Variants in SH3BP4 observed in about 807,000 individuals in gnomAD.
SH3BP4 encodes the protein SH3 domain-binding protein 4.
SH3BP4 carries 33 observed loss-of-function variants against 65.5 expected under a neutral mutation model. That is an observed-to-expected ratio of 0.50 (90% CI 0.38 to 0.67). The LOEUF (loss-of-function observed/expected upper bound fraction) is 0.67. SH3BP4 is among the 30% of genes least tolerant of loss of function. The pLI, the probability that SH3BP4 is intolerant of heterozygous loss-of-function variation, is 0.00. For missense variants in SH3BP4, 1,134 were observed against 1,261.4 expected, an observed-to-expected ratio of 0.90 and a Z score of 1.53; for synonymous variants, 552 against 545.5, an observed-to-expected ratio of 1.01 and a Z score of -0.17.
rs1236335085 is a variant in SH3BP4, at chr2:235,034,151, G to A, written c.-132-720G>A. ...CCCCCCACATGCTTCAGTCCTGTCT[G>A]TGCGCCCTTCCAGAAAAAAAAAGCA... On this transcript the variant is annotated intron_variant, in intron 2 of 5. Transcript: ENST00000392011. The surrounding 1 kb of genome is among the most constrained non-coding windows in gnomAD (Gnocchi z 6.2). Among the ~76,000 whole-genome samples the A allele has an allele frequency of 6.6e-6, 1 of 152,012 alleles. No individual in the cohort carries two copies. The highest frequency in any genetic ancestry group is 6.6e-5 in the Admixed American group (1 of 15,266).
intron 1 of SH3BP4, among the ~76,000 whole-genome samples, chr2:234,970,099 ACACT>A (rs780876092): frequency 3.2e-4 from 49 of 151,296 alleles, no homozygotes; most frequent in Middle Eastern, 3.4e-3. Flanking sequence ...ACTCACAAAT[ACACT>A]CACTCACACA....
chr2:234,980,225 C>T (rs942592761), intron 1 of SH3BP4, among the ~76,000 whole-genome samples: 2 of 152,142 alleles, frequency 1.3e-5, no homozygotes, highest in African/African-American at 2.4e-5. Flanking sequence ...TCAGATAGTA[C>T]CAAACCCTGT....
In SH3BP4 at chr2:234,977,085, G is replaced by A. The variant is rs1693190615; in HGVS notation, c.-206-18218G>A. On this transcript the variant is annotated intron_variant, in intron 1 of 5. Transcript: ENST00000392011. This position sits in a 1 kb window ranked among gnomAD's most constrained non-coding sequence, Gnocchi z 5.1. ...TGGGAATTCTCTGTATTATCTCCAC[G>A]ACTTTTCTATGAATTTAAATCTATC... Among the ~76,000 whole-genome samples the A allele has an allele frequency of 6.6e-6, 1 of 152,218 alleles. No homozygotes were observed. Among genetic ancestry groups the A allele is most frequent in the Admixed American group, 6.5e-5 (1 of 15,284 alleles).
Position 234,976,057 on chromosome 2 carries a change from GA to G in SH3BP4, c.-206-19244del, listed in dbSNP as rs1025519670. Among the ~76,000 whole-genome samples, 3 of 152,262 alleles carry G rather than the reference GA, an allele frequency of 2.0e-5. No homozygotes were observed. The highest frequency in any genetic ancestry group is 7.2e-5 in the African/African-American group (3 of 41,552). On this transcript the variant is annotated intron_variant, in intron 1 of 5. Transcript: ENST00000392011. This position sits in a 1 kb window ranked among gnomAD's most constrained non-coding sequence, Gnocchi z 4.7. The stretch of plus-strand genomic sequence containing the variant: ...CTCTCCAAATTGAACGAGGACCCCA[GA>G]ACACGGGAGTCTGTGCCGAGTTTGG...
intron 1 of SH3BP4, among the ~76,000 whole-genome samples, chr2:234,990,024 G>A (rs2106268049): frequency 6.6e-6 from 1 of 152,360 alleles, no homozygotes; most frequent in Admixed American, 6.5e-5. Context: ...ACAAAATTAT[G>A]TAAAATGTTG....
At chr2:235,048,552 C>T (rs903785328) in intron 4 of SH3BP4, among the ~76,000 whole-genome samples, 4 of 151,556 alleles carry the variant, frequency 2.6e-5, no homozygotes, top group Non-Finnish European at 4.4e-5. Context: ...TTGCCCAGGC[C>T]GGTGTGGAAC....
chr2:235,038,395 ATAT>A lies in SH3BP4; in HGVS notation c.119-2492_119-2490del, dbSNP rs1695524366. Among the ~76,000 whole-genome samples, 2 of 22,754 alleles carry A rather than the reference ATAT, an allele frequency of 8.8e-5. 1 individual carries two copies. Among genetic ancestry groups the A allele is most frequent in the Admixed American group, 1.8e-3 (2 of 1,106 alleles). 14.9% of individuals were successfully genotyped at this position (22,754 alleles called of 152,430 possible). On this transcript the variant is annotated intron_variant, in intron 3 of 5. Coordinates refer to ENST00000392011, the MANE Select transcript of SH3BP4 (RefSeq NM_014521.3). ...TATATACATATATATATATATATATATATATATATATATATATATATGAGGTAT... is the reference window on the plus strand; with the variant it reads ...TATATACATATATATATATATATATAATATATATATATATATATGAGGTAT...
At chr2:235,021,411 T>A (rs1694842365) in intron 2 of SH3BP4, among the ~76,000 whole-genome samples, 1 of 151,746 alleles carries the variant, frequency 6.6e-6, no homozygotes, top group Non-Finnish European at 1.5e-5. Context: ...GTCAGGAGTT[T>A]GAGACCAGCC....
chr2:235,053,670 G>A lies in SH3BP4; in HGVS notation c.2746G>A (p.Glu916Lys), dbSNP rs1276169126. The A allele has an allele frequency of 6.2e-7, 1 of 1,614,162 alleles. No individual in the cohort carries two copies. Among genetic ancestry groups the A allele is most frequent in the Admixed American group, 1.7e-5 (1 of 60,022 alleles). Residue 916 changes from glutamate to lysine, a missense_variant, in exon 6 of 6, where the codon GAG (glutamate) becomes AAG (lysine). Glu to Lys is a moderately conservative substitution (Grantham distance 56). Coordinates refer to ENST00000392011, the MANE Select transcript of SH3BP4 (RefSeq NM_014521.3). ...IGDSYRDVIQ[E>K]LHLGLDKMKN... The stretch of plus-strand genomic sequence containing the variant: ...GGACAGCTACCGGGATGTCATCCAG[G>A]AGCTGCACCTGGGCCTGGACAAGAT...
chr2:235,044,064 G>A (rs1032593844), intron 4 of SH3BP4, among the ~76,000 whole-genome samples: 6 of 152,250 alleles, frequency 3.9e-5, no homozygotes, highest in African/African-American at 1.4e-4. Flanking sequence ...TCCCAACAGG[G>A]TCTCTGACTC....
At chr2:235,021,491 C>T (rs1559247150) in intron 2 of SH3BP4, among the ~76,000 whole-genome samples, 1 of 151,580 alleles carries the variant, frequency 6.6e-6, no homozygotes, top group Non-Finnish European at 1.5e-5. Context: ...GATATGGTGG[C>T]ACATGCCTGT....
chr2:234,968,979 GA>G (rs1692909006), intron 1 of SH3BP4, among the ~76,000 whole-genome samples: 1 of 152,188 alleles, frequency 6.6e-6, no homozygotes, highest in African/African-American at 2.4e-5. Context: ...CTTCTTTGAA[GA>G]TGCTGTCTTC....
chr2:234,973,486 C>T (rs1693058447), intron 1 of SH3BP4, among the ~76,000 whole-genome samples: 1 of 152,154 alleles, frequency 6.6e-6, no homozygotes, highest in Admixed American at 6.6e-5. Flanking sequence ...GAAATCAAGT[C>T]ATCGAGGATT....
At chr2:235,025,266 TA>T (rs777915514) in intron 2 of SH3BP4, among the ~76,000 whole-genome samples, 3 of 152,016 alleles carry the variant, frequency 2.0e-5, no homozygotes, top group Non-Finnish European at 4.4e-5. Context: ...AAGGAAGATG[TA>T]GGTGAAGAGC....
chr2:235,046,803 C>A lies in SH3BP4; in HGVS notation c.2478+3556C>A, dbSNP rs752102196. 6.6e-6 allele frequency among the ~76,000 whole-genome samples: 1 copy of A among 152,108 alleles called. No individual in the cohort carries two copies. Among genetic ancestry groups the A allele is most frequent in the Non-Finnish European group, 1.5e-5 (1 of 68,032 alleles). On this transcript the variant is annotated intron_variant, in intron 4 of 5. Transcript: ENST00000392011. This position sits in a 1 kb window ranked among gnomAD's most constrained non-coding sequence, Gnocchi z 4.2. ...CCTTGGGCTGGGCTAAGAATCCAAG[C>A]GGGAGGCATTCTCACGTGGCCATAC... is the stretch of plus-strand genomic sequence containing the variant.
At chr2:235,010,339 A>C (rs1574816791) in intron 2 of SH3BP4, among the ~76,000 whole-genome samples, 1 of 152,090 alleles carries the variant, frequency 6.6e-6, no homozygotes, top group African/African-American at 2.4e-5. Flanking sequence ...AGCCTGCTTC[A>C]TGGGGAGGCC....
chr2:235,022,344 A>G (rs371761867), intron 2 of SH3BP4, among the ~76,000 whole-genome samples: 1 of 152,112 alleles, frequency 6.6e-6, no homozygotes, highest in Non-Finnish European at 1.5e-5. Flanking sequence ...ACTTGAGGTC[A>G]GGGGTTTGAG....
chr2:234,961,584 T>C (rs952754366), intron 1 of SH3BP4, among the ~76,000 whole-genome samples: 20 of 152,144 alleles, frequency 1.3e-4, no homozygotes, highest in Admixed American at 1.2e-3. Flanking sequence ...CATGTTGGTT[T>C]TGAGCCCCAT....
Position 235,035,770 on chromosome 2 carries a change from C to G in SH3BP4, c.118+650C>G, listed in dbSNP as rs552659584. ...TCCAGTGGCCTCGTAAAATTGAGTT[C>G]ATGAGAAAACCTATCTTTTGGACAC... On this transcript the variant is annotated intron_variant, in intron 3 of 5. Coordinates refer to ENST00000392011, the MANE Select transcript of SH3BP4 (RefSeq NM_014521.3). The surrounding 1 kb of genome is among the most constrained non-coding windows in gnomAD (Gnocchi z 5.0). Among the ~76,000 whole-genome samples the G allele has an allele frequency of 1.1e-4, 16 of 152,326 alleles. No individual in the cohort carries two copies. The highest frequency in any genetic ancestry group is 2.1e-4 in the South Asian group (1 of 4,824).
Sources: gnomAD v4.1 joint callset for allele counts (sites outside exome capture counted in the v4.1 genomes callset) on GRCh38, gnomAD v4.1.1 for gene constraint, Gnocchi (gnomAD v3.1) non-coding constraint, MANE v1.5 for transcripts, NCBI Gene and HGNC (gene_info 2026-07-23, HGNC 2026-07-21) for gene names.